ZKSCAN1: variants seen among roughly 807,000 people sequenced by gnomAD.
ZKSCAN1 encodes zinc finger with KRAB and SCAN domains 1.
A neutral mutation model predicts 51.6 loss-of-function variants in ZKSCAN1; 14 were observed. That is an observed-to-expected ratio of 0.27 (90% confidence interval 0.18 to 0.42). ZKSCAN1 has a LOEUF of 0.42. Ranked by LOEUF, ZKSCAN1 falls within the 10% of genes least tolerant of loss-of-function variation. The pLI, the probability that ZKSCAN1 is intolerant of heterozygous loss-of-function variation, is 1.00. For missense variants in ZKSCAN1, 531 were observed against 710.0 expected, an observed-to-expected ratio of 0.75 and a Z score of 2.86; for synonymous variants, 263 against 261.5, an observed-to-expected ratio of 1.01 and a Z score of -0.06.
chr7:100,036,685 C>G lies in ZKSCAN1; in HGVS notation c.*2488C>G, dbSNP rs867726178. On this transcript the variant is annotated 3_prime_UTR_variant, in exon 6 of 6. Transcript: ENST00000324306. ...GTGAGCCAAGATTGCACACTGCACT[C>G]CAGCCTGGGTGACTAGCAAAACTCC... The G allele has an allele frequency of 2.1e-6, 2 of 971,700 alleles. No individual in the cohort carries two copies. Among genetic ancestry groups the G allele is most frequent in the Non-Finnish European group, 2.4e-6 (2 of 818,274 alleles). 60.2% of individuals were successfully genotyped at this position (971,700 alleles called of 1,614,324 possible).
rs1398461060 is a variant in ZKSCAN1 at position 100,035,361 on chromosome 7, T to G, written c.*1164T>G. The G allele has an allele frequency of 6.6e-6, 1 of 152,146 alleles. No homozygotes were observed. Among genetic ancestry groups the G allele is most frequent in the Non-Finnish European group, 1.5e-5 (1 of 68,014 alleles). The allele number at this position is 152,146 out of a possible 1,614,324, so 9.4% of individuals were successfully genotyped here. ...AACAGTGAGTAAATACCATGGAATG[T>G]CAGAAATGACTTTATCATCGTCATC... On this transcript the variant is annotated 3_prime_UTR_variant, in exon 6 of 6. Transcript: ENST00000324306.
In ZKSCAN1 at chr7:100,021,910, A is replaced by AT. The variant is rs1314094116; in HGVS notation, c.-88-1502dup. ...CAGACACAGTCCCCATGCCCAGCTA[A>AT]TTTTTTTCTTTTTCATAGGGACAGG... On this transcript the variant is annotated intron_variant, in intron 1 of 5. Transcript: ENST00000324306. Among the ~76,000 whole-genome samples, 6 of 151,644 alleles carry AT rather than the reference A, an allele frequency of 4.0e-5. No homozygotes were observed. The East Asian group carries it at 1.2e-3, about 30-fold the overall frequency.
chr7:100,032,139 C>CA (rs1345626257), intron 5 of ZKSCAN1, among the ~76,000 whole-genome samples: 1 of 152,184 alleles, frequency 6.6e-6, no homozygotes, highest in East Asian at 1.9e-4. Context: ...ATAGAAAACT[C>CA]ACAGAATTGG....
rs1791524644 is a variant in ZKSCAN1, at chr7:100,039,986, G to T, written c.*5789G>T. Reference sequence around the variant, plus strand: ...AAAGTTTTTCTAACATAGATTTAGGGTTTTTTTTTTTAGAGTGGACACACT... The same window carrying T: ...AAAGTTTTTCTAACATAGATTTAGGTTTTTTTTTTTTAGAGTGGACACACT... On this transcript the variant is annotated 3_prime_UTR_variant, in exon 6 of 6. Transcript: ENST00000324306. The T allele has an allele frequency of 5.2e-6, 4 of 765,102 alleles. No homozygotes were observed. The highest frequency in any genetic ancestry group is 4.7e-6 in the Non-Finnish European group (3 of 633,010). 47.4% of individuals were successfully genotyped at this position (765,102 alleles called of 1,614,324 possible).
chr7:100,015,764 G>C (rs988656217), intron 1 of ZKSCAN1, 38 bp downstream of exon 1: 4 of 152,232 alleles, frequency 2.6e-5, no homozygotes, highest in African/African-American at 9.6e-5. Context: ...GGGAGGGCGG[G>C]GCCGCAAGGG....
At chr7:100,030,743 C>T (rs373141142) in intron 5 of ZKSCAN1, among the ~76,000 whole-genome samples, 2 of 152,106 alleles carry the variant, frequency 1.3e-5, no homozygotes, top group East Asian at 1.9e-4. Context: ...GATGACCAGG[C>T]GAACTGATCA....
intron 1 of ZKSCAN1, among the ~76,000 whole-genome samples, chr7:100,017,321 C>G (rs144822538): frequency 0.027 from 4,156 of 152,128 alleles, 189 homozygotes; most frequent in African/African-American, 0.095. Context: ...CTCCCGAGTT[C>G]AAGCGATCCT....
intron 3 of ZKSCAN1, among the ~76,000 whole-genome samples, chr7:100,028,641 A>G (rs1790952373): frequency 6.6e-6 from 1 of 152,170 alleles, no homozygotes; most frequent in African/African-American, 2.4e-5. Flanking sequence ...GTACTTGGCA[A>G]GAGATGGGGA....
chr7:100,044,034 C>T (rs974587616), downstream of ZKSCAN1, among the ~76,000 whole-genome samples: 3 of 152,074 alleles, frequency 2.0e-5, no homozygotes, highest in African/African-American at 7.2e-5. Context: ...GCCTCAGCCT[C>T]CCAGGGTGCT....
chr7:100,026,933 T>C (rs1477042670), intron 3 of ZKSCAN1, among the ~76,000 whole-genome samples: 1 of 151,966 alleles, frequency 6.6e-6, no homozygotes, highest in Non-Finnish European at 1.5e-5. Flanking sequence ...TTTTATACTT[T>C]TTAAGCTTTT....
At chr7:100,025,472 G>GT (rs1790791197) in intron 3 of ZKSCAN1, among the ~76,000 whole-genome samples, 1 of 152,106 alleles carries the variant, frequency 6.6e-6, no homozygotes, top group Non-Finnish European at 1.5e-5. Context: ...CATGTTACTT[G>GT]TTTTTTCTCT....
In ZKSCAN1 at chr7:100,041,158, G is replaced by C; in HGVS notation, c.*6961G>C. The C allele has an allele frequency of 1.4e-6, 1 of 732,842 alleles. No individual in the cohort carries two copies. 45.4% of individuals were successfully genotyped at this position (732,842 alleles called of 1,614,324 possible). The stretch of plus-strand genomic sequence containing the variant: ...GACTGGATTAAAAACAACCTGTCCT[G>C]TTTTGTCAGTTCCCAGCTTCTTCGT... On this transcript the variant is annotated 3_prime_UTR_variant, in exon 6 of 6. Transcript: ENST00000324306.
rs1398692600 is a variant in ZKSCAN1, at chr7:100,041,493, TA to T, written c.*7298del. On this transcript the variant is annotated 3_prime_UTR_variant, in exon 6 of 6. Transcript: ENST00000324306. Reference sequence around the variant, plus strand: ...CGAATGAGGGCTAAAGTTTTAATCATAAGAGAAAAGGCAGCATAATGAAATG... The same window carrying T: ...CGAATGAGGGCTAAAGTTTTAATCATAGAGAAAAGGCAGCATAATGAAATG... 3 of 985,302 alleles carry T rather than the reference TA, an allele frequency of 3.0e-6. No individual in the cohort carries two copies. The African/African-American group carries it at 5.2e-5, about 17-fold the overall frequency. 61.0% of individuals were successfully genotyped at this position (985,302 alleles called of 1,614,324 possible). A position where few individuals can be genotyped will look rare whatever the true frequency, so the allele number is the denominator to read the frequency against.
chr7:100,043,595 A>G (rs981332855), downstream of ZKSCAN1, among the ~76,000 whole-genome samples: 1 of 151,028 alleles, frequency 6.6e-6, no homozygotes, highest in African/African-American at 2.4e-5. Context: ...GCTGGTCTCA[A>G]ATTCCTGGGC....
intron 3 of ZKSCAN1, among the ~76,000 whole-genome samples, 167 bp from the exon 4 acceptor site, chr7:100,029,694 A>G (rs1791017541): frequency 6.6e-6 from 1 of 152,118 alleles, no homozygotes; most frequent in Non-Finnish European, 1.5e-5. Context: ...GTCTTGGGAA[A>G]ACTGAGGCCC....
At position 100,025,318 on chromosome 7, in the gene ZKSCAN1, C is replaced by CAA. The variant is rs35796352; in HGVS notation, c.580+1027_580+1028dup. 1.4e-3 allele frequency among the ~76,000 whole-genome samples: 141 copies of CAA among 103,882 alleles called. 6 individuals are homozygous for CAA. Among genetic ancestry groups the CAA allele is most frequent in the East Asian group, 4.7e-3 (19 of 4,054 alleles). The allele number at this position is 103,882 out of a possible 152,430, so 68.2% of individuals were successfully genotyped here. On this transcript the variant is annotated intron_variant, in intron 3 of 5. Transcript: ENST00000324306. ...GCCTGGGTGACAGAGAGTCTGTTTC[C>CAA]AAAAAAAAAAAAAAAAACTATAGCA...
At chr7:100,019,658 T>C (rs754099832) in intron 1 of ZKSCAN1, among the ~76,000 whole-genome samples, 14 of 152,226 alleles carry the variant, frequency 9.2e-5, no homozygotes, top group Non-Finnish European at 1.6e-4. Flanking sequence ...ATATACTTGC[T>C]GTGTGACCTT....
chr7:100,034,398 G>A lies in ZKSCAN1; in HGVS notation c.*201G>A, dbSNP rs563367463. 1.5e-6 allele frequency: 2 copies of A among 1,316,054 alleles called. No homozygotes were observed. The highest frequency in any genetic ancestry group is 1.5e-5 in the African/African-American group (1 of 67,488). The allele number at this position is 1,316,054 out of a possible 1,614,324, so 81.5% of individuals were successfully genotyped here. A position where few individuals can be genotyped will look rare whatever the true frequency, so the allele number is the denominator to read the frequency against. ...ATAATCCTTCCACACAGCCCCTGCAGGGAAAGGCTAATCTTACGGATAATC... is the reference window on the plus strand; with the variant it reads ...ATAATCCTTCCACACAGCCCCTGCAAGGAAAGGCTAATCTTACGGATAATC... On this transcript the variant is annotated 3_prime_UTR_variant, in exon 6 of 6. Coordinates refer to ENST00000324306, the MANE Select transcript of ZKSCAN1 (RefSeq NM_003439.4).
intron 1 of ZKSCAN1, among the ~76,000 whole-genome samples, chr7:100,022,789 G>A (rs897711189): frequency 6.6e-6 from 1 of 152,156 alleles, no homozygotes; most frequent in Non-Finnish European, 1.5e-5. Flanking sequence ...GATGGTGCGT[G>A]TACTGCTTTA....
Sources: gnomAD v4.1 joint callset for allele counts (sites outside exome capture counted in the v4.1 genomes callset) on GRCh38, gnomAD v4.1.1 for gene constraint, MANE v1.5 for transcripts, NCBI Gene and HGNC (gene_info 2026-07-23, HGNC 2026-07-21) for gene names.